Variants in ARL8A observed in about 807,000 individuals in gnomAD.
The protein encoded by ARL8A is ADP-ribosylation factor-like protein 8A.
In ARL8A, 10 loss-of-function variants were observed where a neutral mutation model predicts 31.2. The observed-to-expected ratio is 0.32, with a 90% confidence interval of 0.20 to 0.54. ARL8A has a LOEUF of 0.54. Among genes scored for constraint, ARL8A ranks in the 20% least tolerant of loss-of-function variants. The probability of loss-of-function intolerance (pLI) is 0.93; values close to 1 mark genes in which losing one functional copy is unlikely to be tolerated. For synonymous variants in ARL8A, 70 were observed against 86.9 expected, an observed-to-expected ratio of 0.81 and a Z score of 1.08; for missense variants, 129 against 242.8, an observed-to-expected ratio of 0.53 and a Z score of 3.12.
Position 202,134,513 on chromosome 1 carries a change from A to T in ARL8A, c.515T>A (p.Ile172Asn). Residue 172 changes from isoleucine to asparagine, a missense_variant, in exon 7 of 7, where the codon ATC becomes AAC. Physicochemically the swap from Ile to Asn is moderately radical, Grantham distance 149. Transcript: ENST00000272217. The surrounding 1 kb of genome is among the most constrained non-coding windows in gnomAD (Gnocchi z 4.2). Reference protein sequence around the residue: ...ISCKEKDNIDITLQWLIQHSK... With the variant: ...ISCKEKDNIDNTLQWLIQHSK... Reference sequence around the variant, plus strand: ...GTGTTGAATAAGCCACTGTAGGGTGATGTCTGATAGGAGAAAAGAGAACAG... The same window carrying T: ...GTGTTGAATAAGCCACTGTAGGGTGTTGTCTGATAGGAGAAAAGAGAACAG... 6.2e-7 allele frequency: 1 copy of T among 1,613,028 alleles called. No individual in the cohort carries two copies. Among genetic ancestry groups the T allele is most frequent in the Non-Finnish European group, 8.5e-7 (1 of 1,179,058 alleles).
intron 3 of ARL8A, among the ~76,000 whole-genome samples, chr1:202,136,252 C>CAT (rs1302335402): frequency 3.3e-5 from 5 of 151,966 alleles, no homozygotes; most frequent in African/African-American, 9.6e-5. Context: ...ATTGTTTGGG[C>CAT]ATATATATAT....
rs1655090266 is a variant in ARL8A at position 202,138,944 on chromosome 1, C to G, written c.124-496G>C. On this transcript the variant is annotated intron_variant, in intron 1 of 6. Coordinates refer to ENST00000272217, the MANE Select transcript of ARL8A (RefSeq NM_138795.4). This position sits in a 1 kb window ranked among gnomAD's most constrained non-coding sequence, Gnocchi z 4.4. ...CATGCCAAGCAATTTCTGGATTATC[C>G]ATGGTTCAGTTTATTTGTACTGTAC... is the stretch of plus-strand genomic sequence containing the variant. Among the ~76,000 whole-genome samples, 2 of 152,118 alleles carry G rather than the reference C, an allele frequency of 1.3e-5. No homozygotes were observed.
Position 202,135,207 on chromosome 1 carries a change from T to C in ARL8A, c.454A>G (p.Ile152Val). 1.9e-6 allele frequency: 3 copies of C among 1,614,146 alleles called. No individual in the cohort carries two copies. The highest frequency in any genetic ancestry group is 2.5e-6 in the Non-Finnish European group (3 of 1,179,996). The change falls in exon 6 of 7, where the codon ATC (isoleucine) becomes GTC (valine). Residue 152 changes from isoleucine to valine, a missense_variant. By Grantham distance (29) the Ile-to-Val change is conservative. Transcript: ENST00000272217. The surrounding 1 kb of genome is among the most constrained non-coding windows in gnomAD (Gnocchi z 5.3). The part of the protein sequence containing the change: ...ELIEKMNLSA[I>V]QDREICCYSI... The stretch of plus-strand genomic sequence containing the variant: ...TAGCAGCAGATCTCTCGGTCCTGGA[T>C]GGCAGACAGATTCCTGGGGGAAACC...
Position 202,134,367 on chromosome 1 carries a change from G to A in ARL8A, c.*100C>T, listed in dbSNP as rs1214834414. 8.0e-7 allele frequency: 1 copy of A among 1,248,022 alleles called. No individual in the cohort carries two copies. 77.3% of individuals were successfully genotyped at this position (1,248,022 alleles called of 1,614,324 possible). A position where few individuals can be genotyped will look rare whatever the true frequency, so the allele number is the denominator to read the frequency against. ...CCAGAGGGCCCTCCTCACACTGGGT[G>A]AGGAGGGGTGGGCTTAGGGGGACGA... On this transcript the variant is annotated 3_prime_UTR_variant, in exon 7 of 7. Transcript: ENST00000272217. This position sits in a 1 kb window ranked among gnomAD's most constrained non-coding sequence, Gnocchi z 4.2.
rs1163403885 is a variant in ARL8A at position 202,144,262 on chromosome 1, G to A, written c.123+188C>T. 2.0e-5 allele frequency among the ~76,000 whole-genome samples: 3 copies of A among 151,784 alleles called. No homozygotes were observed. The highest frequency in any genetic ancestry group is 7.3e-5 in the African/African-American group (3 of 41,376). On this transcript the variant is annotated intron_variant, in intron 1 of 6. Transcript: ENST00000272217. This position sits in a 1 kb window ranked among gnomAD's most constrained non-coding sequence, Gnocchi z 5.2. ...CGGGTGAGAGAGCGGGTCGCGCGCC[G>A]CCCCGGTCCCCCACGGCACGGGCCG...
chr1:202,137,576 C>G (rs1655045008), intron 3 of ARL8A, among the ~76,000 whole-genome samples: 1 of 151,406 alleles, frequency 6.6e-6, no homozygotes, highest in African/African-American at 2.4e-5. Flanking sequence ...TGTGGTGAGC[C>G]GAGATCGCAC....
chr1:202,136,441 G>A (rs562944701), intron 3 of ARL8A, among the ~76,000 whole-genome samples: 411 of 152,028 alleles, frequency 2.7e-3, no homozygotes, highest in Non-Finnish European at 4.5e-3. Flanking sequence ...CGCCACGCCC[G>A]GCTAATTTTT....
intron 1 of ARL8A, among the ~76,000 whole-genome samples, chr1:202,143,469 G>T (rs553859596): frequency 7.4e-4 from 113 of 152,290 alleles, no homozygotes; most frequent in Non-Finnish European, 1.4e-3. Flanking sequence ...TGGGACTGGG[G>T]CCAGGTCCCT....
In ARL8A at chr1:202,134,001, C is replaced by G. The variant is rs1369458509; in HGVS notation, c.*466G>C. On this transcript the variant is annotated 3_prime_UTR_variant, in exon 7 of 7. Coordinates refer to ENST00000272217, the MANE Select transcript of ARL8A (RefSeq NM_138795.4). This position sits in a 1 kb window ranked among gnomAD's most constrained non-coding sequence, Gnocchi z 4.2. ...CCCCAAGTCCACCTGCGTCTCCCTC[C>G]TTCTCTCCAGACTGCCCCCTCCCAG... is the stretch of plus-strand genomic sequence containing the variant. 6.6e-6 allele frequency: 1 copy of G among 152,388 alleles called. No homozygotes were observed. The highest frequency in any genetic ancestry group is 2.4e-5 in the African/African-American group (1 of 41,448). 9.4% of individuals were successfully genotyped at this position (152,388 alleles called of 1,614,324 possible). A position where few individuals can be genotyped will look rare whatever the true frequency, so the allele number is the denominator to read the frequency against.
At position 202,134,383 on chromosome 1, in the gene ARL8A, A is replaced by AG; in HGVS notation, c.*83dup. On this transcript the variant is annotated 3_prime_UTR_variant, in exon 7 of 7. Transcript: ENST00000272217. This position sits in a 1 kb window ranked among gnomAD's most constrained non-coding sequence, Gnocchi z 4.2. Reference sequence around the variant, plus strand: ...ACACTGGGTGAGGAGGGGTGGGCTTAGGGGGACGACAGGGGTGGGCGGGGA... The same window carrying AG: ...ACACTGGGTGAGGAGGGGTGGGCTTAGGGGGGACGACAGGGGTGGGCGGGGA... 7.8e-7 allele frequency: 1 copy of AG among 1,289,608 alleles called. No homozygotes were observed. Among genetic ancestry groups the AG allele is most frequent in the Non-Finnish European group, 1.1e-6 (1 of 926,316 alleles). 79.9% of individuals were successfully genotyped at this position (1,289,608 alleles called of 1,614,324 possible).
At chr1:202,136,832 G>C (rs528406815) in intron 3 of ARL8A, among the ~76,000 whole-genome samples, 2 of 151,966 alleles carry the variant, frequency 1.3e-5, no homozygotes, top group Non-Finnish European at 2.9e-5. Flanking sequence ...GCCTCCCCCT[G>C]TGCCCTGCCA....
rs1250672372 is a variant in ARL8A at position 202,138,640 on chromosome 1, G to C, written c.124-192C>G. On this transcript the variant is annotated intron_variant, in intron 1 of 6. Coordinates refer to ENST00000272217, the MANE Select transcript of ARL8A (RefSeq NM_138795.4). This position sits in a 1 kb window ranked among gnomAD's most constrained non-coding sequence, Gnocchi z 4.4. ...ACCTATGTGTCCCGCCTACACCTGG[G>C]GATGCCCTGTGAAAAGACCCGCTTT... 6.6e-6 allele frequency among the ~76,000 whole-genome samples: 1 copy of C among 152,116 alleles called. No individual in the cohort carries two copies. The highest frequency in any genetic ancestry group is 1.5e-5 in the Non-Finnish European group (1 of 68,032).
chr1:202,135,312 G>T lies in ARL8A; in HGVS notation c.441-92C>A. ...GCGGGGCCTTTTTCTTACCTAAGAG[G>T]CTACAAAGGGGAGGGTGAGGTGCCT... On this transcript the variant is annotated intron_variant, in intron 5 of 6. Transcript: ENST00000272217. The surrounding 1 kb of genome is among the most constrained non-coding windows in gnomAD (Gnocchi z 5.3). 6.8e-7 allele frequency: 1 copy of T among 1,463,074 alleles called. No individual in the cohort carries two copies. The highest frequency in any genetic ancestry group is 9.6e-7 in the Non-Finnish European group (1 of 1,043,728). The allele number at this position is 1,463,074 out of a possible 1,614,324, so 90.6% of individuals were successfully genotyped here.
Position 202,135,877 on chromosome 1 carries a change from T to C in ARL8A, c.279-77A>G. ...TGGTGCAAGGAAGAGAAGGAGCTGCTGCTTGGAGGTGAAAGCATCTGTTGC... is the reference window on the plus strand; with the variant it reads ...TGGTGCAAGGAAGAGAAGGAGCTGCCGCTTGGAGGTGAAAGCATCTGTTGC... On this transcript the variant is annotated intron_variant, in intron 3 of 6. Transcript: ENST00000272217. This position sits in a 1 kb window ranked among gnomAD's most constrained non-coding sequence, Gnocchi z 5.3. 1 of 1,338,870 alleles carries C rather than the reference T, an allele frequency of 7.5e-7. No individual in the cohort carries two copies. Among genetic ancestry groups the C allele is most frequent in the African/African-American group, 1.4e-5 (1 of 69,420 alleles). The allele number at this position is 1,338,870 out of a possible 1,614,324, so 82.9% of individuals were successfully genotyped here. A position where few individuals can be genotyped will look rare whatever the true frequency, so the allele number is the denominator to read the frequency against.
rs1655252952 is a variant in ARL8A at position 202,144,545 on chromosome 1, C to A, written c.28G>T (p.Asp10Tyr). ...TTCCAGAATAGGGCCTTGAACCAGTCCAGCAGCTTGTTGAACAAAGCGATC... is the reference window on the plus strand; with the variant it reads ...TTCCAGAATAGGGCCTTGAACCAGTACAGCAGCTTGTTGAACAAAGCGATC... MIALFNKLL[D>Y]WFKALFWKEE... is the part of the protein sequence containing the mutation. Residue 10 changes from aspartate to tyrosine, a missense_variant, in exon 1 of 7, where the codon GAC becomes TAC. Transcript: ENST00000272217. The surrounding 1 kb of genome is among the most constrained non-coding windows in gnomAD (Gnocchi z 5.2). The A allele has an allele frequency of 6.9e-7, 1 of 1,454,504 alleles. No homozygotes were observed. 90.1% of individuals were successfully genotyped at this position (1,454,504 alleles called of 1,614,324 possible). A position where few individuals can be genotyped will look rare whatever the true frequency, so the allele number is the denominator to read the frequency against.
intron 1 of ARL8A, among the ~76,000 whole-genome samples, chr1:202,139,402 T>C (rs886211193): frequency 6.6e-6 from 1 of 151,958 alleles, no homozygotes; most frequent in Non-Finnish European, 1.5e-5. Flanking sequence ...TGAAACCCCA[T>C]CTCTACTAAA....
intron 3 of ARL8A, among the ~76,000 whole-genome samples, chr1:202,136,065 C>T (rs973971230): frequency 3.3e-5 from 5 of 152,096 alleles, no homozygotes; most frequent in African/African-American, 4.8e-5. Flanking sequence ...TGTGGAAAAG[C>T]GTGGGCCCTT....
At chr1:202,140,056 G>T (rs963283627) in intron 1 of ARL8A, among the ~76,000 whole-genome samples, 3 of 152,150 alleles carry the variant, frequency 2.0e-5, no homozygotes, top group Non-Finnish European at 2.9e-5. Context: ...AGATGTAGGA[G>T]ATGATTGGCT....
In ARL8A at chr1:202,144,412, G is replaced by A; in HGVS notation, c.123+38C>T. 1.5e-6 allele frequency: 2 copies of A among 1,322,858 alleles called. No individual in the cohort carries two copies. The highest frequency in any genetic ancestry group is 1.6e-5 in the African/African-American group (1 of 64,194). The allele number at this position is 1,322,858 out of a possible 1,614,324, so 81.9% of individuals were successfully genotyped here. A position where few individuals can be genotyped will look rare whatever the true frequency, so the allele number is the denominator to read the frequency against. ...CGGGCGGGGACAGGCCCGACCCGCG[G>A]CCCGCGCCCGGGGACCCCGCGCCCG... On this transcript the variant is annotated intron_variant, in intron 1 of 6. Coordinates refer to ENST00000272217, the MANE Select transcript of ARL8A (RefSeq NM_138795.4). The surrounding 1 kb of genome is among the most constrained non-coding windows in gnomAD (Gnocchi z 5.2).
Sources: gnomAD v4.1 joint callset for allele counts (sites outside exome capture counted in the v4.1 genomes callset) on GRCh38, gnomAD v4.1.1 for gene constraint, Gnocchi (gnomAD v3.1) non-coding constraint, MANE v1.5 for transcripts, NCBI Gene and HGNC (gene_info 2026-07-23, HGNC 2026-07-21) for gene names.